Variants in MYO1D observed in about 807,000 individuals in gnomAD.
MYO1D encodes unconventional myosin-Id.
In MYO1D, 83 loss-of-function variants were observed where a neutral mutation model predicts 122.0. The ratio of observed to expected loss-of-function variants is 0.68; its 90% confidence interval spans 0.57 to 0.82. The LOEUF (loss-of-function observed/expected upper bound fraction) is 0.82. MYO1D is among the 40% of genes least tolerant of loss of function. The pLI is 0.00. For synonymous variants in MYO1D, 464 were observed against 446.9 expected, an observed-to-expected ratio of 1.04 and a Z score of -0.48; for missense variants, 1,157 against 1,269.5, an observed-to-expected ratio of 0.91 and a Z score of 1.35.
At chr17:32,796,203 A>G (rs1023376438) in intron 1 of MYO1D, among the ~76,000 whole-genome samples, 1 of 152,170 alleles carries the variant, frequency 6.6e-6, no homozygotes, top group African/African-American at 2.4e-5. Flanking sequence ...CCATTATGGT[A>G]ACATTTGGCT....
intron 21 of MYO1D, among the ~76,000 whole-genome samples, chr17:32,598,693 A>G (rs1239929407): frequency 6.6e-6 from 1 of 152,256 alleles, no homozygotes; most frequent in Non-Finnish European, 1.5e-5. Context: ...TCCAGTGCAT[A>G]TAAAAGTTAT....
At chr17:32,642,937 C>T (rs1597964212) in intron 19 of MYO1D, among the ~76,000 whole-genome samples, 1 of 152,224 alleles carries the variant, frequency 6.6e-6, no homozygotes, top group East Asian at 1.9e-4. Flanking sequence ...GCCTGATTGC[C>T]CTGGCCAGAA....
chr17:32,548,302 G>A (rs191231324), intron 21 of MYO1D, among the ~76,000 whole-genome samples: 6 of 151,846 alleles, frequency 4.0e-5, no homozygotes, highest in Non-Finnish European at 5.9e-5. Context: ...GGTGGTGCAC[G>A]TATATAGTCC....
chr17:32,625,763 G>A (rs2087919684), intron 20 of MYO1D, among the ~76,000 whole-genome samples: 1 of 152,090 alleles, frequency 6.6e-6, no homozygotes, highest in Admixed American at 6.5e-5. Context: ...ACTCCTGAGT[G>A]CAGGTGATCT....
chr17:32,559,384 G>A (rs2150889018), intron 21 of MYO1D, among the ~76,000 whole-genome samples: 1 of 152,312 alleles, frequency 6.6e-6, no homozygotes, highest in Admixed American at 6.5e-5. Flanking sequence ...TGTGTGAGCA[G>A]ACCATAATCT....
At chr17:32,518,509 G>C (rs960580839) in intron 21 of MYO1D, 1 of 152,306 alleles carries the variant, frequency 6.6e-6, no homozygotes, top group Non-Finnish European at 1.5e-5. Flanking sequence ...AATGCACATG[G>C]TATGATATTC....
chr17:32,775,904 TCAC>T lies in MYO1D; in HGVS notation c.521_523del (p.Gly174del). 1 of 1,613,562 alleles carries T rather than the reference TCAC, an allele frequency of 6.2e-7. No individual in the cohort carries two copies. The highest frequency in any genetic ancestry group is 1.3e-5 in the African/African-American group (1 of 74,988). ...GTTATTGATATGCCCACCAATAGGG[TCAC>T]CCTTGAAGTCAAAGTTGATATCCAT... On this transcript the variant is annotated inframe_deletion, in exon 4 of 22. Coordinates refer to ENST00000318217, the MANE Select transcript of MYO1D (RefSeq NM_015194.3).
intron 1 of MYO1D, among the ~76,000 whole-genome samples, chr17:32,855,193 T>G (rs1173977462): frequency 2.6e-5 from 4 of 152,224 alleles, no homozygotes; most frequent in Non-Finnish European, 4.4e-5. Context: ...GTGGCCTTTT[T>G]TAAAAACACA....
intron 1 of MYO1D, among the ~76,000 whole-genome samples, chr17:32,870,107 G>A (rs543891846): frequency 1.6e-4 from 24 of 152,220 alleles, no homozygotes; most frequent in South Asian, 1.5e-3. Context: ...AATCTGTCAC[G>A]GAGTAGGAAA....
Position 32,780,762 on chromosome 17 carries a change from TA to T in MYO1D, c.117del (p.Tyr39Ter). 1 of 1,614,144 alleles carries T rather than the reference TA, an allele frequency of 6.2e-7. No individual in the cohort carries two copies. Among genetic ancestry groups the T allele is most frequent in the South Asian group, 1.1e-5 (1 of 91,078 alleles). ...LRLRFEKGRI[Y>X]TFIGEVVVSV... is the part of the protein sequence containing the mutation. ...GAAACGACGACTTCTCCAATGAACG[TA>T]TAGATGCGCCCTTTTTCAAATCTGT... On this transcript the variant is annotated frameshift_variant, in exon 2 of 22. Coordinates refer to ENST00000318217, the MANE Select transcript of MYO1D (RefSeq NM_015194.3). LOFTEE classifies it high-confidence loss of function.
At chr17:32,522,974 G>A (rs1910205542) in intron 21 of MYO1D, among the ~76,000 whole-genome samples, 1 of 152,130 alleles carries the variant, frequency 6.6e-6, no homozygotes, top group African/African-American at 2.4e-5. Flanking sequence ...CTGCCACCAT[G>A]CCCGGCTAGT....
intron 16 of MYO1D, among the ~76,000 whole-genome samples, chr17:32,701,129 A>G (rs773806011): frequency 1.3e-5 from 2 of 152,146 alleles, no homozygotes; most frequent in Non-Finnish European, 2.9e-5. Context: ...GGAAATGAGA[A>G]GAAAATGTAA....
chr17:32,778,487 C>T lies in MYO1D; in HGVS notation c.391G>A (p.Val131Ile), dbSNP rs547207389. ...TTATTAGAGTGCTCTTACCTTTCAA[C>T]CTCTGCTCTCTGACTGGGGTTGGTG... ...AITNPSQRAE[V>I]ERVKNMLLKS... The change falls in exon 3 of 22, where the codon GTT becomes ATT. Residue 131 changes from valine (V) to isoleucine (I), a missense_variant. By Grantham distance (29) the Val-to-Ile change is conservative. Transcript: ENST00000318217. The T allele has an allele frequency of 3.1e-6, 5 of 1,612,766 alleles. No homozygotes were observed. Among genetic ancestry groups the T allele is most frequent in the African/African-American group, 2.7e-5 (2 of 75,014 alleles).
At chr17:32,857,656 C>T (rs1027211789) in intron 1 of MYO1D, among the ~76,000 whole-genome samples, 2 of 151,992 alleles carry the variant, frequency 1.3e-5, no homozygotes, top group Non-Finnish European at 2.9e-5. Flanking sequence ...GAACATGTCA[C>T]AACCATTCAC....
intron 16 of MYO1D, among the ~76,000 whole-genome samples, chr17:32,661,651 G>T (rs1019334950): frequency 1.3e-5 from 1 of 74,172 alleles, no homozygotes; most frequent in Admixed American, 1.2e-4. Flanking sequence ...GTGAGACCCT[G>T]TCCCAAAAAA....
intron 16 of MYO1D, among the ~76,000 whole-genome samples, chr17:32,688,576 A>C (rs1164791723): frequency 6.6e-6 from 1 of 152,230 alleles, no homozygotes; most frequent in Non-Finnish European, 1.5e-5. Flanking sequence ...CAAGGCAAAC[A>C]GTATGTGTAA....
At chr17:32,664,810 C>G (rs1266931884) in intron 16 of MYO1D, among the ~76,000 whole-genome samples, 1 of 152,216 alleles carries the variant, frequency 6.6e-6, no homozygotes, top group East Asian at 1.9e-4. Context: ...CTCAACACAG[C>G]AGCCAGAGTG....
At position 32,601,694 on chromosome 17, in the gene MYO1D, T is replaced by A. The variant is rs59725932; in HGVS notation, c.2864+3393A>T. On this transcript the variant is annotated intron_variant, in intron 21 of 21. Transcript: ENST00000318217. ...CATCTTCTTCCAGTGTCCAGAGACA[T>A]AAAGTGAGCATATGCTGTAGGAAAA... Among the ~76,000 whole-genome samples the A allele has an allele frequency of 5.3e-5, 8 of 152,048 alleles. No homozygotes were observed. In the East Asian group the frequency reaches 1.5e-3, roughly 29 times the overall value.
chr17:32,743,594 C>CATT (rs746402773), intron 13 of MYO1D, among the ~76,000 whole-genome samples: 6 of 151,450 alleles, frequency 4.0e-5, no homozygotes, highest in South Asian at 2.1e-4. Context: ...CCTCAGCCTG[C>CATT]ATTATTATTA....
Sources: allele counts gnomAD v4.1 joint callset (sites outside exome capture counted in the v4.1 genomes callset), GRCh38; gene constraint gnomAD v4.1.1; transcripts MANE v1.5; gene names NCBI Gene and HGNC (gene_info 2026-07-23, HGNC 2026-07-21).